GRIPAP1: variants seen among roughly 807,000 people sequenced by gnomAD.
GRIPAP1 encodes GRIP1 associated protein 1.
In GRIPAP1, 14 loss-of-function variants were observed where a neutral mutation model predicts 84.1. The ratio of observed to expected loss-of-function variants is 0.17; its 90% CI spans 0.11 to 0.26. GRIPAP1 has a LOEUF of 0.26. Among genes scored for constraint, GRIPAP1 ranks in the 10% least tolerant of loss-of-function variants. The pLI is 1.00. For missense variants in GRIPAP1, 518 were observed against 674.2 expected, an observed-to-expected ratio of 0.77 and a Z score of 2.57; for synonymous variants, 261 against 256.8, an observed-to-expected ratio of 1.02 and a Z score of -0.15.
chrX:48,975,591 G>A, intron 24 of GRIPAP1: 1 of 345,641 alleles, frequency 2.9e-6, no homozygotes, highest in Non-Finnish European at 5.0e-6. Flanking sequence ...TGGTCAGTAT[G>A]ATTCTGATTA....
Position 49,002,231 on chromosome X carries a change from T to G in GRIPAP1, c.-2A>C. Reference sequence around the variant, plus strand: ...CTCCTCAGACAGAGCTTGCGCCATGTTCCTCCCCCCACCCCCCCGCCAGCT... The same window carrying G: ...CTCCTCAGACAGAGCTTGCGCCATGGTCCTCCCCCCACCCCCCCGCCAGCT... On this transcript the variant is annotated 5_prime_UTR_variant, in exon 1 of 26. Coordinates refer to ENST00000376423, the MANE Select transcript of GRIPAP1 (RefSeq NM_020137.5). The G allele has an allele frequency of 8.8e-7, 1 of 1,134,962 alleles. No individual in the cohort carries two copies. The highest frequency in any genetic ancestry group is 1.2e-6 in the Non-Finnish European group (1 of 833,256). 93.5% of individuals were successfully genotyped at this position (1,134,962 alleles called of 1,213,427 possible).
chrX:48,981,335 A>C, intron 20 of GRIPAP1, 21 bp from the exon 21 acceptor site: 1 of 1,201,449 alleles, frequency 8.3e-7, no homozygotes, highest in Non-Finnish European at 1.1e-6. Flanking sequence ...CAGGGGTAAC[A>C]TGAGGACTGA....
chrX:48,993,653 C>T lies in GRIPAP1; in HGVS notation c.307-75G>A, dbSNP rs150778205. The T allele has an allele frequency of 5.0e-4, 395 of 789,379 alleles. 2 individuals are homozygous for T. In the African/African-American group the frequency reaches 7.7e-3, roughly 15 times the overall value. 65.1% of individuals were successfully genotyped at this position (789,379 alleles called of 1,213,427 possible). A position where few individuals can be genotyped will look rare whatever the true frequency, so the allele number is the denominator to read the frequency against. The stretch of plus-strand genomic sequence containing the variant: ...TTGCTGAAACCTACATAGCATTTGT[C>T]CATGTACTTTACAATTCACTTAATT... On this transcript the variant is annotated intron_variant, in intron 5 of 25. Transcript: ENST00000376423.
chrX:48,982,418 C>T (rs1160005295), intron 17 of GRIPAP1, among the ~76,000 whole-genome samples: 1 of 112,716 alleles, frequency 8.9e-6, no homozygotes, highest in African/African-American at 3.2e-5. Context: ...ACTCCGTCAC[C>T]CAGGCTGGAG....
At chrX:49,002,155 T>C (rs782216549) in intron 1 of GRIPAP1, 33 bp downstream of exon 1, 1 of 1,072,378 alleles carries the variant, frequency 9.3e-7, no homozygotes, top group Non-Finnish European at 1.3e-6. Flanking sequence ...CCCGGTCGCC[T>C]AGCCGGGTGG....
chrX:48,998,253 T>C (rs2064558498), intron 3 of GRIPAP1, 73 bp from the exon 4 acceptor site: 5 of 753,962 alleles, frequency 6.6e-6, no homozygotes, highest in Non-Finnish European at 1.0e-5. Flanking sequence ...ATGGAGACAA[T>C]TGTGCCAAGC....
At position 48,974,010 on chromosome X, in the gene GRIPAP1, T is replaced by A. The variant is rs1331818302; in HGVS notation, c.*183A>T. ...CTGCCCCTTCCCTCAGGATCCCCAC[T>A]CCCTGGTGGCCTCTGCCCTAAGACA... is the stretch of plus-strand genomic sequence containing the variant. On this transcript the variant is annotated 3_prime_UTR_variant, in exon 26 of 26. Coordinates refer to ENST00000376423, the MANE Select transcript of GRIPAP1 (RefSeq NM_020137.5). 9.7e-5 allele frequency: 34 copies of A among 349,826 alleles called. No individual in the cohort carries two copies. Among genetic ancestry groups the A allele is most frequent in the Non-Finnish European group, 5.1e-6 (1 of 197,555 alleles). 28.8% of individuals were successfully genotyped at this position (349,826 alleles called of 1,213,427 possible).
At position 48,975,980 on chromosome X, in the gene GRIPAP1, G is replaced by T. The variant is rs374323563; in HGVS notation, c.2278+38C>A. The T allele has an allele frequency of 3.8e-5, 42 of 1,105,969 alleles. No individual in the cohort carries two copies. The African/African-American group carries it at 4.0e-4, about 10-fold the overall frequency. 91.1% of individuals were successfully genotyped at this position (1,105,969 alleles called of 1,213,427 possible). The stretch of plus-strand genomic sequence containing the variant: ...AATGGAGAGGGAGGGCCAGGTGAAG[G>T]CTGGACCAGGGCTGAGGGCCGGGGA... On this transcript the variant is annotated intron_variant, in intron 24 of 25. Transcript: ENST00000376423.
At chrX:48,982,304 T>C (rs2064461982) in intron 17 of GRIPAP1, among the ~76,000 whole-genome samples, 1 of 112,155 alleles carries the variant, frequency 8.9e-6, no homozygotes, top group African/African-American at 3.2e-5. Flanking sequence ...GACAAACAAC[T>C]GGCTCCAGCC....
At chrX:48,985,215 C>G (rs887408883) in intron 14 of GRIPAP1, 53 bp downstream of exon 14, 36 of 1,130,358 alleles carry the variant, frequency 3.2e-5, no homozygotes, top group Admixed American at 2.4e-4. Context: ...GGGGACTTCA[C>G]TGGGCCATTA....
At chrX:48,989,395 A>C (rs2147743094) in intron 11 of GRIPAP1, among the ~76,000 whole-genome samples, 1 of 110,787 alleles carries the variant, frequency 9.0e-6, no homozygotes, top group East Asian at 2.9e-4. Context: ...CAGCCCCCTA[A>C]GTCCTTAGCC....
intron 13 of GRIPAP1, 72 bp downstream of exon 13, chrX:48,987,713 G>C (rs1456824977): frequency 1.5e-6 from 1 of 655,705 alleles, no homozygotes; most frequent in South Asian, 2.3e-5. Context: ...ACCCTACCCT[G>C]ATGTGGACCA....
At position 48,974,168 on chromosome X, in the gene GRIPAP1, G is replaced by A. The variant is rs368216497; in HGVS notation, c.*25C>T. ...AGCATCCTAGGGGGTAGGAAGGGGA[G>A]GAGGTGGGTGCAGCCTGCAGGTCTT... On this transcript the variant is annotated 3_prime_UTR_variant, in exon 26 of 26. Transcript: ENST00000376423. 24 of 1,052,490 alleles carry A rather than the reference G, an allele frequency of 2.3e-5. No homozygotes were observed. In the African/African-American group the frequency reaches 3.7e-4, roughly 16 times the overall value. 86.7% of individuals were successfully genotyped at this position (1,052,490 alleles called of 1,213,427 possible). A position where few individuals can be genotyped will look rare whatever the true frequency, so the allele number is the denominator to read the frequency against.
Position 48,993,489 on chromosome X carries a change from G to A in GRIPAP1, c.396C>T (p.Leu132=), listed in dbSNP as rs1416188022. The A allele has an allele frequency of 6.7e-6, 8 of 1,188,585 alleles. No homozygotes were observed. The highest frequency in any genetic ancestry group is 3.7e-5 in the South Asian group (2 of 53,730). Residue 132 remains leucine, a synonymous_variant, in exon 6 of 26, where the codon CTC becomes CTT. Transcript: ENST00000376423. ...GTAGCCTCAGCAGCTCCCCATCCAC[G>A]AGGGGCCCAGCTTGGGCAACCCCTG... is the stretch of plus-strand genomic sequence containing the variant. ...AGAGVAQAGP[L]VDGELLRLQA...
At chrX:48,982,891 A>G (rs1557062603) in intron 17 of GRIPAP1, 88 bp downstream of exon 17, 2 of 578,813 alleles carry the variant, frequency 3.5e-6, no homozygotes, top group African/African-American at 2.2e-5. Flanking sequence ...AATCTCGGGA[A>G]GTTCCAGGGC....
Position 48,995,380 on chromosome X carries a change from G to A in GRIPAP1, c.307-1802C>T, listed in dbSNP as rs1476710017. 2.7e-5 allele frequency among the ~76,000 whole-genome samples: 3 copies of A among 111,811 alleles called. No homozygotes were observed. The Middle Eastern group carries it at 0.014, about 513-fold the overall frequency. The stretch of plus-strand genomic sequence containing the variant: ...GTCAGTCAGTGAAGCCAGCAGTTAT[G>A]TGAATACCAGGGGCTCTGAACTAGG... On this transcript the variant is annotated intron_variant, in intron 5 of 25. Transcript: ENST00000376423.
chrX:48,974,385 A>G (rs2064411479), intron 25 of GRIPAP1, 100 bp from the exon 26 acceptor site: 1 of 522,635 alleles, frequency 1.9e-6, no homozygotes, highest in Non-Finnish European at 3.3e-6. Context: ...CCCTTTCATT[A>G]ATCAATGCTC....
Position 48,998,846 on chromosome X carries a change from G to A in GRIPAP1, c.171+392C>T, listed in dbSNP as rs1001721386. 2.6e-5 allele frequency: 5 copies of A among 190,392 alleles called. No homozygotes were observed. The South Asian group carries it at 5.8e-4, about 22-fold the overall frequency. The allele number at this position is 190,392 out of a possible 1,213,427, so 15.7% of individuals were successfully genotyped here. A position where few individuals can be genotyped will look rare whatever the true frequency, so the allele number is the denominator to read the frequency against. On this transcript the variant is annotated intron_variant, in intron 3 of 25. Transcript: ENST00000376423. ...ATCCTATCTCATCTTTAGAGGATCT[G>A]AGAGGTGGGTTTGCTCTCATTTTCC...
At chrX:48,999,766 C>T in intron 1 of GRIPAP1, among the ~76,000 whole-genome samples, 1 of 111,089 alleles carries the variant, frequency 9.0e-6, no homozygotes, top group Non-Finnish European at 1.9e-5. Context: ...CAGGCCATCC[C>T]AGAGCACTGC....
Sources: allele counts gnomAD v4.1 joint callset (sites outside exome capture counted in the v4.1 genomes callset), GRCh38; gene constraint gnomAD v4.1.1; transcripts MANE v1.5; gene names NCBI Gene and HGNC (gene_info 2026-07-23, HGNC 2026-07-21).